The following OTUD7A variants were observed in gnomAD, a reference collection of about 807,000 sequenced individuals.
OTUD7A encodes the protein OTU deubiquitinase 7A, also known as OTU domain-containing protein 7A.
In OTUD7A, 12 loss-of-function variants were observed where a neutral mutation model predicts 65.7. The observed-to-expected ratio is 0.18, with a 90% CI of 0.12 to 0.30. The LOEUF (loss-of-function observed/expected upper bound fraction) is 0.30. Among genes scored for constraint, OTUD7A ranks in the 10% least tolerant of loss-of-function variants. OTUD7A has a pLI of 1.00. For missense variants in OTUD7A, 1,148 were observed against 1,304.8 expected (o/e 0.88, Z 1.85); for synonymous variants, 641 against 586.3 (o/e 1.09, Z -1.35).
At chr15:31,779,247 A>G (rs1010953159) in intron 1 of OTUD7A, among the ~76,000 whole-genome samples, 6 of 152,200 alleles carry the variant, frequency 3.9e-5, no homozygotes, top group African/African-American at 1.4e-4. Flanking sequence ...ACTATCACCC[A>G]AAACAAAAAC....
chr15:31,484,275 C>A lies in OTUD7A; in HGVS notation c.1821G>T (p.Pro607=). ...SPTDKAAGAS[P]AEKGGGPRGD... ...CCCGCGGCCCACCGCCCTTCTCCGC[C>A]GGCGACGCGCCCGCTGCCTTGTCTG... Residue 607 remains proline (P), a synonymous_variant, in exon 13 of 13, where the codon CCG becomes CCT. Coordinates refer to ENST00000307050, the MANE Select transcript of OTUD7A (RefSeq NM_001382637.1). The surrounding 1 kb of genome is among the most constrained non-coding windows in gnomAD (Gnocchi z 4.5). The A allele has an allele frequency of 6.3e-7, 1 of 1,592,976 alleles. No homozygotes were observed. The highest frequency in any genetic ancestry group is 2.3e-5 in the East Asian group (1 of 44,206).
intron 1 of OTUD7A, among the ~76,000 whole-genome samples, chr15:31,818,172 G>T (rs150328874): frequency 6.6e-6 from 1 of 152,142 alleles, no homozygotes; most frequent in Non-Finnish European, 1.5e-5. Flanking sequence ...CAAACTGTGA[G>T]AAATACATTT....
rs553430214 is a variant in OTUD7A at position 31,785,588 on chromosome 15, G to A, written c.-100+84919C>T. ...CAACTTGGAAGCTACTGGTGAAGATGGCAGTGCCCCCCAAAACTTGATGCC... is the reference window on the plus strand; with the variant it reads ...CAACTTGGAAGCTACTGGTGAAGATAGCAGTGCCCCCCAAAACTTGATGCC... On this transcript the variant is annotated intron_variant, in intron 1 of 12. Transcript: ENST00000307050. Among the ~76,000 whole-genome samples the A allele has an allele frequency of 7.2e-5, 11 of 152,268 alleles. No homozygotes were observed. In the East Asian group the frequency reaches 1.9e-3, roughly 27 times the overall value.
intron 5 of OTUD7A, among the ~76,000 whole-genome samples, chr15:31,548,306 G>A (rs1888203760): frequency 6.6e-6 from 1 of 152,120 alleles, no homozygotes; most frequent in Admixed American, 6.5e-5. Context: ...GTGTAACTCG[G>A]CTGCTGGCTT....
intron 1 of OTUD7A, among the ~76,000 whole-genome samples, chr15:31,664,564 G>C (rs911581276): frequency 1.3e-5 from 2 of 151,878 alleles, no homozygotes; most frequent in African/African-American, 4.8e-5. Context: ...TTAGTCCTTT[G>C]TCAGATGTAT....
intron 3 of OTUD7A, among the ~76,000 whole-genome samples, chr15:31,648,359 G>A (rs560351118): frequency 1.3e-5 from 2 of 152,202 alleles, no homozygotes; most frequent in Non-Finnish European, 2.9e-5. Context: ...TTCCCACAGA[G>A]ACTAAAGATA....
chr15:31,798,125 A>G (rs1301878658), intron 1 of OTUD7A, among the ~76,000 whole-genome samples: 1 of 151,972 alleles, frequency 6.6e-6, no homozygotes, highest in Non-Finnish European at 1.5e-5. Flanking sequence ...AAACATGATT[A>G]CCTCTTTAAA....
intron 1 of OTUD7A, among the ~76,000 whole-genome samples, chr15:31,685,488 A>C (rs566742752): frequency 5.0e-4 from 76 of 152,036 alleles, no homozygotes; most frequent in South Asian, 4.2e-3. Context: ...TACTGAAAAA[A>C]AAAAAACAAA....
At chr15:31,770,968 G>C (rs1895219411) in intron 1 of OTUD7A, among the ~76,000 whole-genome samples, 1 of 152,182 alleles carries the variant, frequency 6.6e-6, no homozygotes, top group Admixed American at 6.5e-5. Context: ...GTGCAAGTGT[G>C]CATGCTCTGC....
At chr15:31,766,022 T>A (rs530244461) in intron 1 of OTUD7A, 1 of 1,555,548 alleles carries the variant, frequency 6.4e-7, no homozygotes. Context: ...GCTTACCGTA[T>A]GAGTAAGTTG....
At position 31,559,028 on chromosome 15, in the gene OTUD7A, C is replaced by T; in HGVS notation, c.491G>A (p.Arg164Lys). ...GATCAAGTCCCGCTCGATGAAGCTCCTGAAATCCTCGCTGTACACGCTCAG... is the reference window on the plus strand; with the variant it reads ...GATCAAGTCCCGCTCGATGAAGCTCTTGAAATCCTCGCTGTACACGCTCAG... ...PDLSVYSEDF[R>K]SFIERDLIEQ... The change falls in exon 5 of 13, where the codon AGG becomes AAG. Residue 164 changes from arginine to lysine, a missense_variant. Physicochemically the swap from Arg to Lys is conservative, Grantham distance 26. Coordinates refer to ENST00000307050, the MANE Select transcript of OTUD7A (RefSeq NM_001382637.1). 1 of 1,614,204 alleles carries T rather than the reference C, an allele frequency of 6.2e-7. No homozygotes were observed. The highest frequency in any genetic ancestry group is 8.5e-7 in the Non-Finnish European group (1 of 1,180,032).
chr15:31,692,016 G>A (rs1224176502), intron 1 of OTUD7A, among the ~76,000 whole-genome samples: 9 of 34,020 alleles, frequency 2.6e-4, no homozygotes, highest in African/African-American at 4.9e-4. Context: ...AAACCACAAT[G>A]AGATATCATC....
intron 1 of OTUD7A, among the ~76,000 whole-genome samples, chr15:31,845,962 G>A (rs774270595): frequency 3.3e-5 from 5 of 152,186 alleles, no homozygotes; most frequent in African/African-American, 4.8e-5. Context: ...TCAGGATGGC[G>A]GCCCCACAGT....
chr15:31,548,336 A>G (rs1888205190), intron 5 of OTUD7A, among the ~76,000 whole-genome samples: 1 of 151,990 alleles, frequency 6.6e-6, no homozygotes, highest in Non-Finnish European at 1.5e-5. Flanking sequence ...CCTCTCAAAG[A>G]GTGTTCCTTT....
In OTUD7A at chr15:31,475,719, T is replaced by G. The variant is rs1327788099; in HGVS notation, c.*7575A>C. On this transcript the variant is annotated 3_prime_UTR_variant, in exon 13 of 13. Transcript: ENST00000307050. The stretch of plus-strand genomic sequence containing the variant: ...AATGGACCGGATTGAAAAGGATATT[T>G]GCATTGAATTGGAATTAACACCTGC... 3 of 152,214 alleles carry G rather than the reference T, an allele frequency of 2.0e-5. No homozygotes were observed. The allele number at this position is 152,214 out of a possible 1,614,324, so 9.4% of individuals were successfully genotyped here.
chr15:31,747,762 T>G (rs1415097324), intron 1 of OTUD7A, among the ~76,000 whole-genome samples: 1 of 151,942 alleles, frequency 6.6e-6, no homozygotes, highest in Non-Finnish European at 1.5e-5. Context: ...GGGAAATAAT[T>G]TTACAGGGGA....
chr15:31,779,079 G>C (rs1895466614), intron 1 of OTUD7A, among the ~76,000 whole-genome samples: 2 of 152,166 alleles, frequency 1.3e-5, no homozygotes, highest in African/African-American at 4.8e-5. Context: ...TTCCACAGCA[G>C]AGCTTGGGTC....
In OTUD7A at chr15:31,563,527, C is replaced by T. The variant is rs112812846; in HGVS notation, c.332-4340G>A. On this transcript the variant is annotated intron_variant, in intron 4 of 12. Transcript: ENST00000307050. ...CCGACAGAGAGGGCCTGGGGTAGGG[C>T]GTCTTGGTCCTGCCTTTCCTCTCCC... Among the ~76,000 whole-genome samples, 62 of 152,338 alleles carry T rather than the reference C, an allele frequency of 4.1e-4. 1 individual carries two copies. The highest frequency in any genetic ancestry group is 1.4e-3 in the African/African-American group (58 of 41,568).
At chr15:31,544,505 A>C (rs1022480870) in intron 5 of OTUD7A, among the ~76,000 whole-genome samples, 1 of 151,822 alleles carries the variant, frequency 6.6e-6, no homozygotes, top group African/African-American at 2.4e-5. Flanking sequence ...TATGAAAGTA[A>C]AATAATGCCA....
Sources: gnomAD v4.1 joint callset for allele counts (sites outside exome capture counted in the v4.1 genomes callset) on GRCh38, gnomAD v4.1.1 for gene constraint, Gnocchi (gnomAD v3.1) non-coding constraint, MANE v1.5 for transcripts, NCBI Gene and HGNC (gene_info 2026-07-23, HGNC 2026-07-21) for gene names.